Variants in BIRC6 observed in about 807,000 individuals in gnomAD.
BIRC6 encodes the protein baculoviral IAP repeat containing 6.
In BIRC6, 98 loss-of-function variants were observed where a neutral mutation model predicts 503.3. That is an observed-to-expected ratio of 0.19 (90% CI 0.17 to 0.23). The LOEUF (loss-of-function observed/expected upper bound fraction) is 0.23. Ranked by LOEUF, BIRC6 falls within the 10% of genes least tolerant of loss-of-function variation. The pLI is 1.00. For synonymous variants in BIRC6, 2,240 were observed against 2,078.7 expected, an observed-to-expected ratio of 1.08 and a Z score of -2.11; for missense variants, 5,360 against 5,806.0, an observed-to-expected ratio of 0.92 and a Z score of 2.50.
At chr2:32,407,581 A>G (rs1416447233) in intron 9 of BIRC6, among the ~76,000 whole-genome samples, 3 of 152,178 alleles carry the variant, frequency 2.0e-5, no homozygotes, top group East Asian at 1.9e-4. Flanking sequence ...GCTGTGTACT[A>G]TGGACATATA....
intron 6 of BIRC6, among the ~76,000 whole-genome samples, chr2:32,398,987 G>A (rs2040293271): frequency 2.6e-5 from 4 of 152,024 alleles, no homozygotes; most frequent in Admixed American, 2.6e-4. Flanking sequence ...GGAGTAGCAT[G>A]TTTTATGTGT....
chr2:32,473,753 T>G (rs895668620), intron 33 of BIRC6, among the ~76,000 whole-genome samples: 898 of 79,840 alleles, frequency 0.011, 7 homozygotes, highest in African/African-American at 0.034. Flanking sequence ...GTGTGTGTAT[T>G]TTTTTTTTTT....
intron 10 of BIRC6, among the ~76,000 whole-genome samples, chr2:32,421,064 T>A (rs2042897894): frequency 6.6e-6 from 1 of 151,474 alleles, no homozygotes; most frequent in African/African-American, 2.4e-5. Context: ...TCTGCTTGAT[T>A]TGGGTTTATT....
chr2:32,567,404 A>AT (rs1376579754), intron 65 of BIRC6, among the ~76,000 whole-genome samples: 1 of 152,224 alleles, frequency 6.6e-6, no homozygotes, highest in Non-Finnish European at 1.5e-5. Flanking sequence ...TTCCAAAAGA[A>AT]TTTTTTGTTG....
chr2:32,480,621 C>CTTTT lies in BIRC6; in HGVS notation c.7409-665_7409-662dup, dbSNP rs560251664. ...CATAACAGAAAAATAAGGTAAATGGCTTTTTTTTTTTTTTTTTTTTTTTTT... is the reference window on the plus strand; with the variant it reads ...CATAACAGAAAAATAAGGTAAATGGCTTTTTTTTTTTTTTTTTTTTTTTTTTTTT... On this transcript the variant is annotated intron_variant, in intron 37 of 73. Coordinates refer to ENST00000421745, the MANE Select transcript of BIRC6 (RefSeq NM_016252.4). 1.0e-3 allele frequency among the ~76,000 whole-genome samples: 63 copies of CTTTT among 60,728 alleles called. 13 individuals are homozygous for CTTTT. The highest frequency in any genetic ancestry group is 8.8e-3 in the Middle Eastern group (1 of 114). The allele number at this position is 60,728 out of a possible 152,430, so 39.8% of individuals were successfully genotyped here.
intron 33 of BIRC6, among the ~76,000 whole-genome samples, chr2:32,474,123 G>T (rs2049441674): frequency 6.6e-6 from 1 of 152,020 alleles, no homozygotes; most frequent in South Asian, 2.1e-4. Flanking sequence ...GCTCTGGCAT[G>T]TTGTGAAAGC....
chr2:32,604,703 TCTGGTACACAAAACA>T (rs2062311657), intron 71 of BIRC6, among the ~76,000 whole-genome samples: 1 of 152,190 alleles, frequency 6.6e-6, no homozygotes. Context: ...GTTCCTTTTT[TCTGGTACACAAAACA>T]CTCATTCTTT....
At chr2:32,444,288 G>C (rs1032480447) in intron 20 of BIRC6, among the ~76,000 whole-genome samples, 3 of 152,130 alleles carry the variant, frequency 2.0e-5, no homozygotes, top group Admixed American at 6.5e-5. Flanking sequence ...CCAATGCAGA[G>C]AGGTGATGGA....
chr2:32,430,462 T>C lies in BIRC6; in HGVS notation c.3023-403T>C, dbSNP rs535932900. Among the ~76,000 whole-genome samples, 7 of 152,282 alleles carry C rather than the reference T, an allele frequency of 4.6e-5. No homozygotes were observed. In the East Asian group the frequency reaches 1.3e-3, roughly 29 times the overall value. ...ATTCATATGTTATGTACTTGCTTGA[T>C]GTCTAGCATTTTATTTTTTAAAAAA... On this transcript the variant is annotated intron_variant, in intron 11 of 73. Coordinates refer to ENST00000421745, the MANE Select transcript of BIRC6 (RefSeq NM_016252.4).
At chr2:32,476,412 C>G in intron 34 of BIRC6, 68 bp downstream of exon 34, 5 of 1,458,474 alleles carry the variant, frequency 3.4e-6, no homozygotes, top group Non-Finnish European at 4.6e-6. Flanking sequence ...TAATTACGAT[C>G]GAGAAACTTA....
chr2:32,508,366 A>T, intron 51 of BIRC6, 107 bp downstream of exon 51: 1 of 1,321,684 alleles, frequency 7.6e-7, no homozygotes, highest in East Asian at 2.6e-5. Context: ...AGGTCTTAGG[A>T]AGGTCTTTGT....
chr2:32,602,837 A>T (rs2062157156), intron 70 of BIRC6, 169 bp from the exon 71 acceptor site: 1 of 499,422 alleles, frequency 2.0e-6, no homozygotes, highest in Admixed American at 4.0e-5. Flanking sequence ...TTTGAATCAC[A>T]TCTGAAGATG....
chr2:32,478,925 A>G, intron 36 of BIRC6, 107 bp downstream of exon 36: 1 of 1,075,248 alleles, frequency 9.3e-7, no homozygotes, highest in Non-Finnish European at 1.4e-6. Flanking sequence ...TTAACCCCCT[A>G]AAAGCATAAA....
At chr2:32,447,742 C>T (rs1377321416) in intron 21 of BIRC6, among the ~76,000 whole-genome samples, 3 of 44,438 alleles carry the variant, frequency 6.8e-5, no homozygotes, top group Non-Finnish European at 1.3e-4. Context: ...GGCGACTGGC[C>T]GGGCAGAGGG....
At chr2:32,591,534 C>A (rs542404748) in intron 66 of BIRC6, among the ~76,000 whole-genome samples, 8 of 152,234 alleles carry the variant, frequency 5.3e-5, no homozygotes, top group Non-Finnish European at 1.2e-4. Context: ...ACAATAAAGA[C>A]CTAAACTGGA....
intron 45 of BIRC6, among the ~76,000 whole-genome samples, chr2:32,496,113 G>T (rs1335107809): frequency 1.3e-5 from 2 of 152,118 alleles, no homozygotes; most frequent in Non-Finnish European, 2.9e-5. Flanking sequence ...TTACAGGCAT[G>T]AGCCACCGCA....
chr2:32,378,383 A>T (rs1420870784), intron 2 of BIRC6, among the ~76,000 whole-genome samples: 6 of 152,108 alleles, frequency 3.9e-5, no homozygotes, highest in Non-Finnish European at 7.3e-5. Flanking sequence ...GGAGACTGGG[A>T]AAGAGGTGGT....
At position 32,441,465 on chromosome 2, in the gene BIRC6, A is replaced by G; in HGVS notation, c.3944+3A>G. On this transcript the variant is annotated splice_donor_region_variant and intron_variant, in intron 17 of 73. Transcript: ENST00000421745. Reference sequence around the variant, plus strand: ...AAAACCTCAATTTCTAAGGAAAGGTAATTTCATTGCATTATCTTGTTATTC... The same window carrying G: ...AAAACCTCAATTTCTAAGGAAAGGTGATTTCATTGCATTATCTTGTTATTC... The G allele has an allele frequency of 6.2e-7, 1 of 1,606,362 alleles. No homozygotes were observed. Among genetic ancestry groups the G allele is most frequent in the Non-Finnish European group, 8.5e-7 (1 of 1,174,562 alleles).
At chr2:32,602,982 G>T (rs1280168198) in intron 70 of BIRC6, 24 bp from the exon 71 acceptor site, 5 of 1,583,294 alleles carry the variant, frequency 3.2e-6, no homozygotes, top group Admixed American at 1.9e-5. Flanking sequence ...TTTCAATTCT[G>T]TTTATGCTTT....
Sources: allele counts gnomAD v4.1 joint callset (sites outside exome capture counted in the v4.1 genomes callset), GRCh38; gene constraint gnomAD v4.1.1; transcripts MANE v1.5; gene names NCBI Gene and HGNC (gene_info 2026-07-23, HGNC 2026-07-21).